Variants in MICAL3 observed in about 807,000 individuals in gnomAD.
MICAL3 encodes the protein [F-actin]-monooxygenase MICAL3.
MICAL3 carries 62 observed loss-of-function variants against 207.4 expected under a neutral mutation model. The observed-to-expected ratio is 0.30, with a 90% confidence interval of 0.24 to 0.37. The LOEUF (loss-of-function observed/expected upper bound fraction) is 0.37, where lower values mean the gene tolerates loss of function less well. MICAL3 is among the 10% of genes least tolerant of loss of function. MICAL3 has a pLI of 1.00. For synonymous variants in MICAL3, 1,077 were observed against 1,069.3 expected (o/e 1.01, Z -0.14); for missense variants, 2,368 against 2,635.6 (o/e 0.90, Z 2.22).
At position 17,789,791 on chromosome 22, in the gene MICAL3, C is replaced by T. The variant is rs1198621259; in HGVS notation, c.*941G>A. Reference sequence around the variant, plus strand: ...AGTTCCTCTAGTAAAGATACACAAACGAAGTTACTTCTTTTCAAGTATTAA... The same window carrying T: ...AGTTCCTCTAGTAAAGATACACAAATGAAGTTACTTCTTTTCAAGTATTAA... On this transcript the variant is annotated 3_prime_UTR_variant, in exon 32 of 32. Coordinates refer to ENST00000441493, the MANE Select transcript of MICAL3 (RefSeq NM_015241.3). 5 of 152,234 alleles carry T rather than the reference C, an allele frequency of 3.3e-5. No individual in the cohort carries two copies. Among genetic ancestry groups the T allele is most frequent in the African/African-American group, 9.6e-5 (4 of 41,458 alleles). 9.4% of individuals were successfully genotyped at this position (152,234 alleles called of 1,614,324 possible). A position where few individuals can be genotyped will look rare whatever the true frequency, so the allele number is the denominator to read the frequency against.
At chr22:17,830,273 T>G (rs1009939110) in intron 21 of MICAL3, among the ~76,000 whole-genome samples, 5 of 152,254 alleles carry the variant, frequency 3.3e-5, no homozygotes, top group Non-Finnish European at 7.4e-5. Flanking sequence ...CACCGTCGGC[T>G]GCCCGACAGA....
intron 1 of MICAL3, among the ~76,000 whole-genome samples, chr22:17,932,512 A>C (rs1424201413): frequency 2.0e-5 from 3 of 152,240 alleles, no homozygotes; most frequent in African/African-American, 7.2e-5. Context: ...AGTACCAACC[A>C]ATGCAAAAAC....
intron 1 of MICAL3, among the ~76,000 whole-genome samples, chr22:17,976,885 C>A (rs191609717): frequency 3.0e-4 from 45 of 151,016 alleles, no homozygotes; most frequent in African/African-American, 1.0e-3. Context: ...CGGCTCACTG[C>A]AAGCTCCGCC....
Position 17,817,868 on chromosome 22 carries a change from C to G in MICAL3, c.4793G>C (p.Arg1598Pro). 1 of 1,612,360 alleles carries G rather than the reference C, an allele frequency of 6.2e-7. No homozygotes were observed. The highest frequency in any genetic ancestry group is 1.1e-5 in the South Asian group (1 of 91,068). The change falls in exon 26 of 32, where the codon CGA becomes CCA. Residue 1598 changes from arginine (R) to proline (P), a missense_variant. Transcript: ENST00000441493. ...GCTCTTCACGGACTTCTCCCTGGCT[C>G]GCATGCGCTCCTCGGCCAACTCCTT... is the stretch of plus-strand genomic sequence containing the variant. The part of the protein sequence containing the change: ...EAKELAEERM[R>P]AREKSVKSQA...
intron 1 of MICAL3, among the ~76,000 whole-genome samples, chr22:17,980,598 C>T (rs1416259868): frequency 2.6e-5 from 4 of 152,228 alleles, no homozygotes; most frequent in Non-Finnish European, 5.9e-5. Flanking sequence ...ACTACTTTAA[C>T]ACCTCTTTTC....
At chr22:17,854,908 C>A (rs1569096384) in intron 19 of MICAL3, among the ~76,000 whole-genome samples, 2 of 152,330 alleles carry the variant, frequency 1.3e-5, no homozygotes, top group Non-Finnish European at 1.5e-5. Context: ...GGACGTCTCA[C>A]TAAACCCAGG....
intron 17 of MICAL3, among the ~76,000 whole-genome samples, chr22:17,871,266 TG>T (rs1927697849): frequency 6.6e-6 from 1 of 152,210 alleles, no homozygotes; most frequent in Non-Finnish European, 1.5e-5. Context: ...TGGCAGCACA[TG>T]TTGCCAAAGA....
At chr22:17,800,314 T>G (rs932438970) in intron 29 of MICAL3, among the ~76,000 whole-genome samples, 2 of 152,242 alleles carry the variant, frequency 1.3e-5, no homozygotes, top group Non-Finnish European at 2.9e-5. Flanking sequence ...TGTGGTTTTC[T>G]TCTAGATTTC....
intron 16 of MICAL3, among the ~76,000 whole-genome samples, chr22:17,879,828 C>G (rs1569112358): frequency 6.6e-6 from 1 of 152,190 alleles, no homozygotes; most frequent in South Asian, 2.1e-4. Flanking sequence ...ATGACTAAGA[C>G]AGCAGTCCAG....
At chr22:17,897,017 A>C (rs764750509) in intron 7 of MICAL3, 36 bp from the exon 8 acceptor site, 28 of 1,580,682 alleles carry the variant, frequency 1.8e-5, no homozygotes, top group Non-Finnish European at 2.4e-5. Flanking sequence ...GGGATGGAGA[A>C]GCTCTGGCAC....
chr22:17,850,500 C>T (rs1409259160), intron 19 of MICAL3, among the ~76,000 whole-genome samples: 1 of 147,804 alleles, frequency 6.8e-6, no homozygotes, highest in South Asian at 2.1e-4. Flanking sequence ...AAACCTCTGC[C>T]TCCTGGATTC....
chr22:17,936,842 T>C (rs1933554226), intron 1 of MICAL3, among the ~76,000 whole-genome samples: 2 of 152,162 alleles, frequency 1.3e-5, no homozygotes, highest in Admixed American at 1.3e-4. Flanking sequence ...AGAGAAGCTT[T>C]TCTGAGTAAC....
intron 1 of MICAL3, among the ~76,000 whole-genome samples, chr22:17,984,380 C>A (rs896405720): frequency 6.6e-6 from 1 of 152,256 alleles, no homozygotes; most frequent in Non-Finnish European, 1.5e-5. Context: ...GCGAACGCCT[C>A]TGCGAGGAAG....
At chr22:17,884,289 G>T (rs756479492) in intron 16 of MICAL3, 2 of 1,589,064 alleles carry the variant, frequency 1.3e-6, no homozygotes, top group South Asian at 2.3e-5. Context: ...TTCCACCGGG[G>T]GGTGGGGGCA....
rs777073162 is a variant in MICAL3, at chr22:17,818,100, G to C, written c.4561C>G (p.Pro1521Ala). The C allele has an allele frequency of 1.2e-6, 2 of 1,612,830 alleles. No homozygotes were observed. Among genetic ancestry groups the C allele is most frequent in the South Asian group, 2.2e-5 (2 of 90,978 alleles). ...GTGTCCTCCACATCATCAGCAAAGG[G>C]AATCTCCTCCACGCTCTCCACAAAC... ...KSFVESVEEI[P>A]FADDVEDTYD... The change falls in exon 26 of 32, where the codon CCC becomes GCC. Residue 1521 changes from proline to alanine, a missense_variant. Around this residue, in one of 4 missense-constraint regions of MICAL3, gnomAD observed 1,770 missense variants for 1,863.2 expected, o/e 0.95. Coordinates refer to ENST00000441493, the MANE Select transcript of MICAL3 (RefSeq NM_015241.3).
Position 17,890,002 on chromosome 22 carries a change from A to G in MICAL3, c.1695-772T>C, listed in dbSNP as rs952206747. ...TTAAGGTACTAAATCAGCTCTGATC[A>G]ATCTTAGCCTTCTCCTGGAGGGGAA... On this transcript the variant is annotated intron_variant, in intron 12 of 31. Coordinates refer to ENST00000441493, the MANE Select transcript of MICAL3 (RefSeq NM_015241.3). Among the ~76,000 whole-genome samples, 4 of 152,274 alleles carry G rather than the reference A, an allele frequency of 2.6e-5. No homozygotes were observed. In the East Asian group the frequency reaches 7.7e-4, roughly 29 times the overall value.
chr22:17,957,992 C>CA (rs1195951332), intron 1 of MICAL3, among the ~76,000 whole-genome samples: 1 of 151,998 alleles, frequency 6.6e-6, no homozygotes, highest in Non-Finnish European at 1.5e-5. Flanking sequence ...AGATTCATCC[C>CA]AAAAAACCTA....
intron 1 of MICAL3, among the ~76,000 whole-genome samples, chr22:17,988,528 CACTGCA>C (rs544331767): frequency 6.6e-6 from 1 of 152,346 alleles, no homozygotes; most frequent in Non-Finnish European, 1.5e-5. Flanking sequence ...GATCTTGGCT[CACTGCA>C]ACCTCCACCC....
chr22:17,959,950 C>T (rs1934820200), intron 1 of MICAL3, among the ~76,000 whole-genome samples: 1 of 152,228 alleles, frequency 6.6e-6, no homozygotes, highest in African/African-American at 2.4e-5. Context: ...TCCCTACCTT[C>T]AAGACTCAAT....
Sources: gnomAD v4.1 joint callset for allele counts (sites outside exome capture counted in the v4.1 genomes callset) on GRCh38, gnomAD v4.1.1 for gene constraint, gnomAD v4.1.1 regional missense constraint, MANE v1.5 for transcripts, NCBI Gene and HGNC (gene_info 2026-07-23, HGNC 2026-07-21) for gene names.